Variants in PDLIM1 observed in about 807,000 individuals in gnomAD.
PDLIM1 encodes the protein PDZ and LIM domain protein 1.
Under a neutral mutation model 35.2 loss-of-function variants are expected in PDLIM1, and 25 were observed. The ratio of observed to expected loss-of-function variants is 0.71; its 90% CI spans 0.52 to 0.99. PDLIM1 has a LOEUF of 0.99. Among genes scored for constraint, PDLIM1 ranks in the 50% least tolerant of loss-of-function variants. The probability of loss-of-function intolerance (pLI) is 0.00; values close to 1 mark genes in which losing one functional copy is unlikely to be tolerated. For missense variants in PDLIM1, 363 were observed against 415.3 expected, an observed-to-expected ratio of 0.87 and a Z score of 1.09; for synonymous variants, 152 against 154.0, an observed-to-expected ratio of 0.99 and a Z score of 0.10.
intron 2 of PDLIM1, among the ~76,000 whole-genome samples, chr10:95,270,708 A>C (rs1223458155): frequency 6.6e-6 from 1 of 152,052 alleles, no homozygotes; most frequent in Non-Finnish European, 1.5e-5. Context: ...ATCTCCTGGC[A>C]TGGTACCCAC....
intron 1 of PDLIM1, among the ~76,000 whole-genome samples, chr10:95,278,335 A>G (rs2035531284): frequency 1.3e-5 from 2 of 152,206 alleles, no homozygotes; most frequent in South Asian, 4.1e-4. Flanking sequence ...CAGAGCCCCC[A>G]CTGTCAGGGC....
At chr10:95,250,937 C>A (rs1355895912) in intron 4 of PDLIM1, among the ~76,000 whole-genome samples, 2 of 152,196 alleles carry the variant, frequency 1.3e-5, no homozygotes, top group African/African-American at 4.8e-5. Flanking sequence ...CCCATCCCTG[C>A]CAAATAAGAT....
At position 95,290,476 on chromosome 10, in the gene PDLIM1, C is replaced by T. The variant is rs541864164; in HGVS notation, c.96+344G>A. Among the ~76,000 whole-genome samples the T allele has an allele frequency of 2.6e-4, 39 of 152,218 alleles. No homozygotes were observed. In the South Asian group the frequency reaches 6.2e-3, roughly 24 times the overall value. ...GGAAGAAGGGAGAAGTGCCATCTCCCAGCGCGCGGGATCTGCGGGGACCCT... is the reference window on the plus strand; with the variant it reads ...GGAAGAAGGGAGAAGTGCCATCTCCTAGCGCGCGGGATCTGCGGGGACCCT... On this transcript the variant is annotated intron_variant, in intron 1 of 6. Coordinates refer to ENST00000329399, the MANE Select transcript of PDLIM1 (RefSeq NM_020992.4). This position sits in a 1 kb window ranked among gnomAD's most constrained non-coding sequence, Gnocchi z 4.7.
chr10:95,257,038 G>GAAAGAAAGAAAGAAAT lies in PDLIM1; in HGVS notation c.533+6825_533+6826insATTTCTTTCTTTCTTT, dbSNP rs1440640324. On this transcript the variant is annotated intron_variant, in intron 4 of 6. Transcript: ENST00000329399. ...AGAAAGAAAGAAAGAAAGAAAGAAA[G>GAAAGAAAGAAAGAAAT]AATTCAAAATAGATTAAAGACCAAC... Among the ~76,000 whole-genome samples the GAAAGAAAGAAAGAAAT allele has an allele frequency of 3.9e-3, 510 of 129,786 alleles. 27 individuals carry two copies. Among genetic ancestry groups the GAAAGAAAGAAAGAAAT allele is most frequent in the African/African-American group, 0.013 (441 of 33,176 alleles). The allele number at this position is 129,786 out of a possible 152,430, so 85.1% of individuals were successfully genotyped here. A position where few individuals can be genotyped will look rare whatever the true frequency, so the allele number is the denominator to read the frequency against.
chr10:95,290,458 G>C lies in PDLIM1; in HGVS notation c.96+362C>G, dbSNP rs1431725163. On this transcript the variant is annotated intron_variant, in intron 1 of 6. Coordinates refer to ENST00000329399, the MANE Select transcript of PDLIM1 (RefSeq NM_020992.4). This position sits in a 1 kb window ranked among gnomAD's most constrained non-coding sequence, Gnocchi z 4.7. ...CGGCTGCACTGCGATCTGGGAAGAA[G>C]GGAGAAGTGCCATCTCCCAGCGCGC... 1.3e-5 allele frequency among the ~76,000 whole-genome samples: 2 copies of C among 148,954 alleles called. No homozygotes were observed. The highest frequency in any genetic ancestry group is 1.5e-5 in the Non-Finnish European group (1 of 67,414).
chr10:95,237,983 G>A lies in PDLIM1; in HGVS notation c.932C>T (p.Ala311Val), dbSNP rs1205616347. Residue 311 changes from alanine to valine, a missense_variant, in exon 7 of 7, where the codon GCC (alanine) becomes GTC (valine). Transcript: ENST00000329399. ...CTCAGGTGGTGTGACTCGCTCCCGG[G>A]CATGCTTCTCACAGTAGATTTGATC... ...VEDQIYCEKH[A>V]RERVTPPEGY... The A allele has an allele frequency of 1.9e-6, 3 of 1,614,072 alleles. No homozygotes were observed. The highest frequency in any genetic ancestry group is 2.2e-5 in the East Asian group (1 of 44,896).
chr10:95,241,933 G>C (rs751834132), intron 5 of PDLIM1, among the ~76,000 whole-genome samples: 8 of 152,200 alleles, frequency 5.3e-5, no homozygotes, highest in Non-Finnish European at 7.3e-5. Flanking sequence ...GGGGTACTTG[G>C]CTGGCTTATG....
At position 95,290,661 on chromosome 10, in the gene PDLIM1, G is replaced by C. The variant is rs2035645220; in HGVS notation, c.96+159C>G. On this transcript the variant is annotated intron_variant, in intron 1 of 6. Coordinates refer to ENST00000329399, the MANE Select transcript of PDLIM1 (RefSeq NM_020992.4). The surrounding 1 kb of genome is among the most constrained non-coding windows in gnomAD (Gnocchi z 4.7). ...CCTCCGCGAAGGGGCGGCGGGGAGC[G>C]GCGGGGCCCGGGCGCGCGGAGAGCG... Among the ~76,000 whole-genome samples, 1 of 151,804 alleles carries C rather than the reference G, an allele frequency of 6.6e-6. No homozygotes were observed. The highest frequency in any genetic ancestry group is 2.1e-4 in the South Asian group (1 of 4,828).
chr10:95,241,748 A>G (rs1254385448), intron 5 of PDLIM1, among the ~76,000 whole-genome samples: 1 of 152,166 alleles, frequency 6.6e-6, no homozygotes, highest in African/African-American at 2.4e-5. Context: ...CCACAGAGGT[A>G]TTGCCTCTGC....
At chr10:95,274,962 A>C (rs1362281330) in intron 1 of PDLIM1, among the ~76,000 whole-genome samples, 1 of 152,234 alleles carries the variant, frequency 6.6e-6, no homozygotes, top group African/African-American at 2.4e-5. Context: ...CCAGGTTAGG[A>C]GGATGAGAGG....
At chr10:95,246,876 T>A (rs111417553) in intron 5 of PDLIM1, among the ~76,000 whole-genome samples, 68 of 152,248 alleles carry the variant, frequency 4.5e-4, no homozygotes, top group African/African-American at 1.6e-3. Flanking sequence ...AAGGTATTGT[T>A]TCTGGGCTCA....
At chr10:95,255,897 C>G (rs113725303) in intron 4 of PDLIM1, among the ~76,000 whole-genome samples, 1 of 84,692 alleles carries the variant, frequency 1.2e-5, no homozygotes, top group Non-Finnish European at 2.9e-5. Context: ...GATCCCCCCC[C>G]ACTACACACA....
chr10:95,269,704 G>A (rs757692444), intron 2 of PDLIM1, among the ~76,000 whole-genome samples: 1 of 151,884 alleles, frequency 6.6e-6, no homozygotes, highest in Non-Finnish European at 1.5e-5. Flanking sequence ...CTTGCAGGTA[G>A]AAAATATTTA....
rs769563748 is a variant in PDLIM1 at position 95,247,354 on chromosome 10, A to G, written c.546T>C (p.Ala182=). 3.7e-6 allele frequency: 6 copies of G among 1,613,844 alleles called. No individual in the cohort carries two copies. Among genetic ancestry groups the G allele is most frequent in the Non-Finnish European group, 8.5e-7 (1 of 1,179,914 alleles). ...CGATGACAAGGCTGCTTGGAGGCTG[A>G]GCATGGTCTAAGCTGTAAAGAATGT... ...VEANSRPLDH[A]QPPSSLVIDK... The change falls in exon 5 of 7, where the codon GCT becomes GCC. Residue 182 remains alanine (A), a synonymous_variant. Transcript: ENST00000329399.
chr10:95,273,930 T>C (rs978067077), intron 1 of PDLIM1, among the ~76,000 whole-genome samples: 4 of 152,192 alleles, frequency 2.6e-5, no homozygotes, highest in African/African-American at 9.7e-5. Context: ...TAAGCATCAT[T>C]TTATTTGGGA....
At chr10:95,271,823 C>G (rs1424846811) in intron 1 of PDLIM1, 39 bp from the exon 2 acceptor site, 1 of 1,597,274 alleles carries the variant, frequency 6.3e-7, no homozygotes, top group South Asian at 1.1e-5. Context: ...TACTATTTGT[C>G]TCCAAACCAC....
intron 1 of PDLIM1, among the ~76,000 whole-genome samples, chr10:95,288,302 G>C (rs571064219): frequency 1.3e-5 from 2 of 152,260 alleles, no homozygotes; most frequent in African/African-American, 4.8e-5. Flanking sequence ...AGCAAACATG[G>C]TTATTTAAAT....
intron 4 of PDLIM1, among the ~76,000 whole-genome samples, chr10:95,256,668 A>C (rs2035312908): frequency 6.6e-6 from 1 of 152,138 alleles, no homozygotes; most frequent in Non-Finnish European, 1.5e-5. Flanking sequence ...CCCTTACCTA[A>C]CACCACATAA....
chr10:95,246,664 T>C (rs950200928), intron 5 of PDLIM1, among the ~76,000 whole-genome samples: 4 of 152,068 alleles, frequency 2.6e-5, no homozygotes, highest in Non-Finnish European at 5.9e-5. Flanking sequence ...CCTGGGAAGG[T>C]TGAGATTTGC....
Sources: allele counts gnomAD v4.1 joint callset (sites outside exome capture counted in the v4.1 genomes callset), GRCh38; gene constraint gnomAD v4.1.1; non-coding constraint Gnocchi (gnomAD v3.1); transcripts MANE v1.5; gene names NCBI Gene and HGNC (gene_info 2026-07-23, HGNC 2026-07-21).